Variants in ADD1 observed in about 807,000 individuals in gnomAD.
ADD1 encodes alpha-adducin.
A neutral mutation model predicts 80.5 loss-of-function variants in ADD1; 24 were observed. That is an observed-to-expected ratio of 0.30 (90% CI 0.22 to 0.42). The LOEUF is 0.42. ADD1 is among the 10% of genes least tolerant of loss of function. The pLI, the probability that ADD1 is intolerant of heterozygous loss-of-function variation, is 1.00. For synonymous variants in ADD1, 373 were observed against 393.8 expected (o/e 0.95, Z 0.63); for missense variants, 948 against 1,019.0 (o/e 0.93, Z 0.95).
At chr4:2,877,074 T>C (rs1435512211) in intron 2 of ADD1, among the ~76,000 whole-genome samples, 2 of 152,032 alleles carry the variant, frequency 1.3e-5, no homozygotes, top group African/African-American at 2.4e-5. Flanking sequence ...TGCTAATTGA[T>C]TGATACCTTT....
chr4:2,855,995 C>T (rs1728001268), intron 1 of ADD1, among the ~76,000 whole-genome samples: 1 of 147,642 alleles, frequency 6.8e-6, no homozygotes, highest in African/African-American at 2.5e-5. Flanking sequence ...CACCATTGGG[C>T]ATGGTGGTGC....
At chr4:2,885,766 C>G (rs541824859) in intron 4 of ADD1, among the ~76,000 whole-genome samples, 1 of 151,650 alleles carries the variant, frequency 6.6e-6, no homozygotes, top group Non-Finnish European at 1.5e-5. Context: ...CCCGCCACCA[C>G]GCCTGGCTAA....
At chr4:2,890,805 ATG>A (rs1297554087) in intron 4 of ADD1, among the ~76,000 whole-genome samples, 2 of 152,082 alleles carry the variant, frequency 1.3e-5, no homozygotes, top group Admixed American at 6.6e-5. Context: ...ATACCCTTGT[ATG>A]TGTGTTTTTA....
intron 13 of ADD1, among the ~76,000 whole-genome samples, chr4:2,912,746 C>T (rs113337063): frequency 1.1e-4 from 16 of 152,194 alleles, no homozygotes; most frequent in African/African-American, 2.9e-4. Flanking sequence ...AGGCTGGTCT[C>T]GAACTCCTGG....
At position 2,846,636 on chromosome 4, in the gene ADD1, T is replaced by C. The variant is rs190480747; in HGVS notation, c.-21+2612T>C. On this transcript the variant is annotated intron_variant, in intron 1 of 15. Transcript: ENST00000683351. ...TGCTTAATTCTTCTCCATTATTTAC[T>C]AGGTTTCACATAATGAATTGTTTCG... Among the ~76,000 whole-genome samples, 246 of 152,246 alleles carry C rather than the reference T, an allele frequency of 1.6e-3. 1 individual carries two copies. The highest frequency in any genetic ancestry group is 3.8e-3 in the Admixed American group (58 of 15,278).
chr4:2,895,753 GT>G, intron 6 of ADD1, among the ~76,000 whole-genome samples: 1 of 152,178 alleles, frequency 6.6e-6, no homozygotes. Context: ...CCGTATGAAA[GT>G]GCACGTGCAG....
At chr4:2,869,260 C>T (rs1730041560) in intron 1 of ADD1, among the ~76,000 whole-genome samples, 1 of 152,138 alleles carries the variant, frequency 6.6e-6, no homozygotes, top group Admixed American at 6.6e-5. Flanking sequence ...AGGGTGTGGG[C>T]AGGGCTGGTT....
chr4:2,883,563 T>C (rs1277085996), intron 3 of ADD1, among the ~76,000 whole-genome samples: 1 of 152,184 alleles, frequency 6.6e-6, no homozygotes, highest in East Asian at 1.9e-4. Context: ...AGATAAGTTC[T>C]TGCTCTTTCA....
chr4:2,858,416 ATG>A (rs2108814605), intron 1 of ADD1, among the ~76,000 whole-genome samples: 1 of 152,348 alleles, frequency 6.6e-6, no homozygotes, highest in South Asian at 2.1e-4. Flanking sequence ...AGATGAAGAA[ATG>A]TGCCTAAGGT....
At chr4:2,883,065 T>TTGGCCATGC (rs1436724551) in intron 3 of ADD1, among the ~76,000 whole-genome samples, 3 of 152,134 alleles carry the variant, frequency 2.0e-5, no homozygotes, top group African/African-American at 7.2e-5. Context: ...TTTCGCCATG[T>TTGGCCATGC]TGGCCATGCT....
rs531184977 is a variant in ADD1 at position 2,899,872 on chromosome 4, G to A, written c.1161+437G>A. On this transcript the variant is annotated intron_variant, in intron 9 of 15. Coordinates refer to ENST00000683351, the MANE Select transcript of ADD1 (RefSeq NM_001354761.2). ...CATGGGTATCCACTCCCTGTCCACA[G>A]CGTGGGAGCCCCTCAGCTGCTTATT... is the stretch of plus-strand genomic sequence containing the variant. 1.7e-4 allele frequency: 53 copies of A among 308,426 alleles called. 1 individual carries two copies. The highest frequency in any genetic ancestry group is 9.7e-4 in the African/African-American group (44 of 45,250). 19.1% of individuals were successfully genotyped at this position (308,426 alleles called of 1,614,324 possible).
intron 15 of ADD1, among the ~76,000 whole-genome samples, chr4:2,927,897 G>C (rs888824678): frequency 6.6e-6 from 1 of 152,108 alleles, no homozygotes; most frequent in African/African-American, 2.4e-5. Context: ...TGTCTTTCCG[G>C]CGGGGGGACC....
At chr4:2,921,757 C>G (rs955370835) in intron 14 of ADD1, among the ~76,000 whole-genome samples, 4 of 152,180 alleles carry the variant, frequency 2.6e-5, no homozygotes, top group Admixed American at 1.3e-4. Context: ...TTCTGCCTGT[C>G]ACTTTCAGGC....
At chr4:2,885,796 G>GAGAT (rs1192563020) in intron 4 of ADD1, among the ~76,000 whole-genome samples, 1 of 151,918 alleles carries the variant, frequency 6.6e-6, no homozygotes, top group Non-Finnish European at 1.5e-5. Flanking sequence ...ATTTTTAGTA[G>GAGAT]AGACGGGGTT....
intron 1 of ADD1, chr4:2,844,244 G>A (rs1725826070): frequency 1.3e-5 from 2 of 152,244 alleles, no homozygotes; most frequent in Non-Finnish European, 2.9e-5. Flanking sequence ...GGGCGCCGCA[G>A]ATCTTTCATC....
chr4:2,858,367 T>C lies in ADD1; in HGVS notation c.-21+14343T>C, dbSNP rs185209435. On this transcript the variant is annotated intron_variant, in intron 1 of 15. Coordinates refer to ENST00000683351, the MANE Select transcript of ADD1 (RefSeq NM_001354761.2). ...AATCTTAAACCAAGGAAGTAGATAATGATTCTCATTTTACAGATGAAGAAA... is the reference window on the plus strand; with the variant it reads ...AATCTTAAACCAAGGAAGTAGATAACGATTCTCATTTTACAGATGAAGAAA... 1.1e-3 allele frequency among the ~76,000 whole-genome samples: 167 copies of C among 152,300 alleles called. 1 individual carries two copies. The highest frequency in any genetic ancestry group is 3.6e-3 in the Admixed American group (55 of 15,300).
In ADD1 at chr4:2,859,002, G is replaced by A. The variant is rs138129110; in HGVS notation, c.-21+14978G>A. Among the ~76,000 whole-genome samples, 258 of 152,276 alleles carry A rather than the reference G, an allele frequency of 1.7e-3. 1 individual carries two copies. Among genetic ancestry groups the A allele is most frequent in the African/African-American group, 5.5e-3 (230 of 41,570 alleles). On this transcript the variant is annotated intron_variant, in intron 1 of 15. Coordinates refer to ENST00000683351, the MANE Select transcript of ADD1 (RefSeq NM_001354761.2). ...AAGACAATAAGCCTATGAAGTGATC[G>A]TAGGGCGTTGCTGGTACAAAGTCAA... is the stretch of plus-strand genomic sequence containing the variant.
chr4:2,909,952 G>A (rs1204112167), intron 13 of ADD1, among the ~76,000 whole-genome samples: 2 of 123,618 alleles, frequency 1.6e-5, no homozygotes, highest in East Asian at 2.4e-4. Flanking sequence ...TTGATAAAAT[G>A]TATTTATTTG....
chr4:2,876,858 C>T (rs888440388), intron 2 of ADD1, among the ~76,000 whole-genome samples: 3 of 151,836 alleles, frequency 2.0e-5, no homozygotes, highest in East Asian at 1.9e-4. Context: ...AAAAATTAGC[C>T]GGGCATAGTG....
Sources: allele counts gnomAD v4.1 joint callset (sites outside exome capture counted in the v4.1 genomes callset), GRCh38; gene constraint gnomAD v4.1.1; transcripts MANE v1.5; gene names NCBI Gene and HGNC (gene_info 2026-07-23, HGNC 2026-07-21).